Variants in SCAF8 observed in about 807,000 individuals in gnomAD.
SCAF8 encodes the protein SR-related and CTD-associated factor 8.
A neutral mutation model predicts 140.5 loss-of-function variants in SCAF8; 23 were observed. The ratio of observed to expected loss-of-function variants is 0.16; its 90% CI spans 0.12 to 0.23. The LOEUF is 0.23. Ranked by LOEUF, SCAF8 falls within the 10% of genes least tolerant of loss-of-function variation. SCAF8 has a pLI of 1.00. For missense variants in SCAF8, 1,397 were observed against 1,555.7 expected (o/e 0.90, Z 1.72); for synonymous variants, 575 against 528.9 (o/e 1.09, Z -1.20).
chr6:154,748,320 A>G (rs1298574650), intron 1 of SCAF8, among the ~76,000 whole-genome samples: 3 of 152,232 alleles, frequency 2.0e-5, no homozygotes, highest in Admixed American at 1.3e-4. Flanking sequence ...GAGAAGGAGA[A>G]TAATTACTAT....
At chr6:154,749,947 G>A (rs529515101) in intron 1 of SCAF8, among the ~76,000 whole-genome samples, 2 of 152,276 alleles carry the variant, frequency 1.3e-5, no homozygotes, top group Admixed American at 6.5e-5. Flanking sequence ...ATAGGGAGAA[G>A]AGGAAGGGAT....
At chr6:154,800,765 T>C (rs912956938) in intron 6 of SCAF8, among the ~76,000 whole-genome samples, 1 of 151,556 alleles carries the variant, frequency 6.6e-6, no homozygotes, top group Admixed American at 6.6e-5. Flanking sequence ...TTAGGTTGAA[T>C]CTATTTTCTA....
intron 1 of SCAF8, among the ~76,000 whole-genome samples, chr6:154,760,732 A>AT (rs1776358793): frequency 6.6e-6 from 1 of 151,956 alleles, no homozygotes; most frequent in African/African-American, 2.4e-5. Context: ...GTATTTTCCA[A>AT]TTTTTTCATA....
At chr6:154,770,964 C>T (rs914381622) in intron 1 of SCAF8, among the ~76,000 whole-genome samples, 1 of 152,136 alleles carries the variant, frequency 6.6e-6, no homozygotes, top group Admixed American at 6.5e-5. Flanking sequence ...AGGCTGGTCT[C>T]ACACTCCTGG....
intron 5 of SCAF8, 130 bp from the exon 6 acceptor site, chr6:154,794,879 G>T: frequency 2.9e-6 from 2 of 695,680 alleles, no homozygotes; most frequent in Non-Finnish European, 2.2e-6. Flanking sequence ...TTTCAAAGTG[G>T]ACACAATAAA....
At chr6:154,786,022 GC>G (rs1235772992) in intron 3 of SCAF8, among the ~76,000 whole-genome samples, 11 of 152,226 alleles carry the variant, frequency 7.2e-5, no homozygotes, top group African/African-American at 2.7e-4. Flanking sequence ...CTTGCCTGCT[GC>G]CTAGACAGAG....
At chr6:154,791,706 C>G (rs114602575) in intron 4 of SCAF8, among the ~76,000 whole-genome samples, 3 of 152,068 alleles carry the variant, frequency 2.0e-5, no homozygotes, top group Admixed American at 6.5e-5. Context: ...TTATATAGAT[C>G]GTAAATATTT....
intron 1 of SCAF8, among the ~76,000 whole-genome samples, chr6:154,748,024 G>C (rs890994774): frequency 2.0e-5 from 3 of 151,756 alleles, no homozygotes; most frequent in Non-Finnish European, 2.9e-5. Context: ...GAGGATTCTT[G>C]TTGGGAAAGT....
In SCAF8 at chr6:154,774,068, T is replaced by C. The variant is rs759013515; in HGVS notation, c.110T>C (p.Ile37Thr). The change falls in exon 2 of 20, where the codon ATT becomes ACT. Residue 37 changes from isoleucine (I) to threonine (T), a missense_variant. Ile to Thr is a moderately conservative substitution (Grantham distance 89). Coordinates refer to ENST00000367178, the MANE Select transcript of SCAF8 (RefSeq NM_014892.5). ...ATTACTAAGGCAGCCATCAAAGCTA[T>C]TAAGGTGAGTAATAAATTTTACTCT... ...TQITKAAIKA[I>T]KFYKHVVQSV... 1 of 1,598,258 alleles carries C rather than the reference T, an allele frequency of 6.3e-7. No homozygotes were observed. Among genetic ancestry groups the C allele is most frequent in the Middle Eastern group, 1.7e-4 (1 of 6,018 alleles).
chr6:154,789,965 C>T (rs1376387650), intron 4 of SCAF8, among the ~76,000 whole-genome samples: 3 of 152,176 alleles, frequency 2.0e-5, no homozygotes, highest in African/African-American at 4.8e-5. Flanking sequence ...AGTCACTTTA[C>T]TGTGATTTAG....
chr6:154,782,986 G>GTTAAT (rs1777128496), intron 3 of SCAF8, among the ~76,000 whole-genome samples: 1 of 152,054 alleles, frequency 6.6e-6, no homozygotes, highest in Non-Finnish European at 1.5e-5. Context: ...CAGTCAAGTT[G>GTTAAT]ACACTCAGTA....
In SCAF8 at chr6:154,833,024, T is replaced by G; in HGVS notation, c.3445T>G (p.Phe1149Val). The change falls in exon 20 of 20, where the codon TTT becomes GTT. Residue 1149 changes from phenylalanine (F) to valine (V), a missense_variant. Physicochemically the swap from Phe to Val is conservative, Grantham distance 50. This residue lies in a region of SCAF8 where 930 missense variants were observed against 874.6 expected (regional missense o/e 1.06). Transcript: ENST00000367178. ...ATTTGGACAAGAAGTTCACAGAGATTTTGATGACCGCAGAAGACCCTGGGA... is the reference window on the plus strand; with the variant it reads ...ATTTGGACAAGAAGTTCACAGAGATGTTGATGACCGCAGAAGACCCTGGGA... ...RGFGQEVHRD[F>V]DDRRRPWERQ... The G allele has an allele frequency of 6.2e-7, 1 of 1,614,006 alleles. No homozygotes were observed. Among genetic ancestry groups the G allele is most frequent in the Non-Finnish European group, 8.5e-7 (1 of 1,179,992 alleles).
chr6:154,737,389 A>G (rs1304215660), intron 1 of SCAF8, among the ~76,000 whole-genome samples: 1 of 152,208 alleles, frequency 6.6e-6, no homozygotes, highest in Non-Finnish European at 1.5e-5. Flanking sequence ...AAAATATTTA[A>G]AATAGGCTGG....
Position 154,808,320 on chromosome 6 carries a change from A to AG in SCAF8, c.1113+119_1113+120insG. Reference sequence around the variant, plus strand: ...TCCCACACTTAAGCTCCACTTTGTAATTGTTTCACCTATTAGGCCAAGCTT... The same window carrying AG: ...TCCCACACTTAAGCTCCACTTTGTAAGTTGTTTCACCTATTAGGCCAAGCTT... On this transcript the variant is annotated intron_variant, in intron 10 of 19. Coordinates refer to ENST00000367178, the MANE Select transcript of SCAF8 (RefSeq NM_014892.5). 2.8e-6 allele frequency: 3 copies of AG among 1,061,008 alleles called. No homozygotes were observed. In the South Asian group the frequency reaches 4.7e-5, roughly 17 times the overall value. 65.7% of individuals were successfully genotyped at this position (1,061,008 alleles called of 1,614,324 possible). A position where few individuals can be genotyped will look rare whatever the true frequency, so the allele number is the denominator to read the frequency against.
Position 154,791,706 on chromosome 6 carries a change from C to T in SCAF8, c.322-1117C>T, listed in dbSNP as rs114602575. 2.0e-3 allele frequency among the ~76,000 whole-genome samples: 297 copies of T among 152,068 alleles called. 1 individual carries two copies. The highest frequency in any genetic ancestry group is 6.8e-3 in the African/African-American group (282 of 41,482). ...GGATCAGCAGCAACGTTATATAGAT[C>T]GTAAATATTTCATGAATTTTATAGC... On this transcript the variant is annotated intron_variant, in intron 4 of 19. Transcript: ENST00000367178.
chr6:154,779,781 G>GTGTATATA lies in SCAF8; in HGVS notation c.159+1737_159+1738insGTATATAT, dbSNP rs1212419688. Among the ~76,000 whole-genome samples the GTGTATATA allele has an allele frequency of 4.5e-3, 651 of 144,228 alleles. 5 individuals are homozygous for GTGTATATA. Among genetic ancestry groups the GTGTATATA allele is most frequent in the African/African-American group, 0.016 (611 of 37,394 alleles). The allele number at this position is 144,228 out of a possible 152,430, so 94.6% of individuals were successfully genotyped here. A position where few individuals can be genotyped will look rare whatever the true frequency, so the allele number is the denominator to read the frequency against. On this transcript the variant is annotated intron_variant, in intron 3 of 19. Transcript: ENST00000367178. ...AAGGTGTGTGTGTGTGTGTGTGTGTGTATATATATATATATATATACACTT... is the reference window on the plus strand; with the variant it reads ...AAGGTGTGTGTGTGTGTGTGTGTGTGTGTATATATATATATATATATATATATACACTT...
chr6:154,772,514 A>G (rs1308730471), intron 1 of SCAF8, among the ~76,000 whole-genome samples: 1 of 152,068 alleles, frequency 6.6e-6, no homozygotes, highest in African/African-American at 2.4e-5. Flanking sequence ...ACATGGTGAA[A>G]CACCACCTCT....
intron 1 of SCAF8, among the ~76,000 whole-genome samples, chr6:154,737,869 G>C (rs982304611): frequency 6.6e-6 from 1 of 152,112 alleles, no homozygotes; most frequent in Non-Finnish European, 1.5e-5. Context: ...GGCCTAAGCC[G>C]TGGTGCCTGC....
intron 1 of SCAF8, chr6:154,741,940 T>C: frequency 1.3e-6 from 2 of 1,521,920 alleles, no homozygotes; most frequent in South Asian, 2.4e-5. Context: ...CATCTTTCTC[T>C]ACTCCTCTCT....
Sources: gnomAD v4.1 joint callset for allele counts (sites outside exome capture counted in the v4.1 genomes callset) on GRCh38, gnomAD v4.1.1 for gene constraint, gnomAD v4.1.1 regional missense constraint, MANE v1.5 for transcripts, NCBI Gene and HGNC (gene_info 2026-07-23, HGNC 2026-07-21) for gene names.